The following DYM variants were observed in gnomAD, a reference collection of about 807,000 sequenced individuals.
DYM encodes the protein dymeclin, also known as dyggve-Melchior-Clausen syndrome protein.
A neutral mutation model predicts 93.1 loss-of-function variants in DYM; 78 were observed. The observed-to-expected ratio is 0.84, with a 90% CI of 0.70 to 1.01. The LOEUF (loss-of-function observed/expected upper bound fraction) is 1.01, where lower values mean the gene tolerates loss of function less well. Ranked by LOEUF, DYM falls within the 50% of genes least tolerant of loss-of-function variation. DYM has a pLI of 0.00. For missense variants in DYM, 789 were observed against 845.0 expected (o/e 0.93, Z 0.82); for synonymous variants, 321 against 319.7 (o/e 1.00, Z -0.04).
intron 8 of DYM, among the ~76,000 whole-genome samples, chr18:49,314,796 T>C (rs186593279): frequency 2.6e-5 from 4 of 152,206 alleles, no homozygotes; most frequent in Non-Finnish European, 4.4e-5. Context: ...TATCGTATGA[T>C]TGGCTTCTGT....
intron 5 of DYM, among the ~76,000 whole-genome samples, chr18:49,371,763 C>G (rs78917873): frequency 0.091 from 13,881 of 152,178 alleles, 857 homozygotes; most frequent in East Asian, 0.31. Flanking sequence ...GATTCTCAAA[C>G]GCATGGACTA....
chr18:49,218,022 G>A (rs2143897557), intron 13 of DYM, among the ~76,000 whole-genome samples: 1 of 152,118 alleles, frequency 6.6e-6, no homozygotes, highest in Non-Finnish European at 1.5e-5. Flanking sequence ...CTCACGTGCA[G>A]AGACACAAAT....
In DYM at chr18:49,424,825, C is replaced by T. The variant is rs1341096570; in HGVS notation, c.140+5430G>A. Among the ~76,000 whole-genome samples the T allele has an allele frequency of 2.6e-5, 4 of 152,048 alleles. No individual in the cohort carries two copies. In the East Asian group the frequency reaches 7.7e-4, roughly 29 times the overall value. On this transcript the variant is annotated intron_variant, in intron 2 of 17. Coordinates refer to ENST00000675505, the MANE Select transcript of DYM (RefSeq NM_001353214.3). The stretch of plus-strand genomic sequence containing the variant: ...CAAAGAGAATAAAATACCTAGGAAT[C>T]CAACTTACAAGGGATGTGAAAGACC...
chr18:49,378,448 T>C (rs2067721202), intron 5 of DYM, 119 bp downstream of exon 5: 1 of 992,576 alleles, frequency 1.0e-6, no homozygotes, highest in Non-Finnish European at 1.5e-6. Flanking sequence ...TATAAGTTCA[T>C]TTTAAAATGA....
At chr18:49,319,344 T>C (rs1379278716) in intron 8 of DYM, among the ~76,000 whole-genome samples, 1 of 152,194 alleles carries the variant, frequency 6.6e-6, no homozygotes, top group Non-Finnish European at 1.5e-5. Context: ...GATGAAGTTA[T>C]GGTGAAGGGT....
intron 14 of DYM, among the ~76,000 whole-genome samples, chr18:49,188,305 G>A (rs1156435307): frequency 1.3e-5 from 2 of 152,114 alleles, no homozygotes; most frequent in Admixed American, 6.5e-5. Flanking sequence ...CATCCAGGGG[G>A]TCCTGGTTCT....
At chr18:49,142,022 T>A (rs77650980) in intron 15 of DYM, among the ~76,000 whole-genome samples, 1 of 145,240 alleles carries the variant, frequency 6.9e-6, no homozygotes, top group Admixed American at 6.9e-5. Flanking sequence ...CCCGGCTAAT[T>A]TTTTTTTTTT....
intron 10 of DYM, among the ~76,000 whole-genome samples, chr18:49,279,736 A>G (rs2094925621): frequency 6.6e-6 from 1 of 152,174 alleles, no homozygotes. Context: ...ATGCCTATCC[A>G]CACCCATCAG....
chr18:49,053,577 T>C (rs1016733076), intron 17 of DYM, among the ~76,000 whole-genome samples: 4 of 151,966 alleles, frequency 2.6e-5, no homozygotes, highest in Non-Finnish European at 5.9e-5. Flanking sequence ...TCGGGAGTGA[T>C]GGGTTAGTGA....
At chr18:49,379,786 G>A in intron 3 of DYM, 28 bp from the exon 4 acceptor site, 1 of 1,557,522 alleles carries the variant, frequency 6.4e-7, no homozygotes, top group South Asian at 1.1e-5. Context: ...GTTTTAAAAA[G>A]TTAAATTTAA....
At chr18:49,387,110 T>C (rs1048108769) in intron 3 of DYM, among the ~76,000 whole-genome samples, 3 of 151,864 alleles carry the variant, frequency 2.0e-5, no homozygotes, top group Non-Finnish European at 4.4e-5. Flanking sequence ...AATTTTCTTT[T>C]AGTTTTTTGT....
chr18:49,425,845 A>C lies in DYM; in HGVS notation c.140+4410T>G, dbSNP rs577053406. Among the ~76,000 whole-genome samples the C allele has an allele frequency of 4.3e-3, 654 of 152,172 alleles. 4 individuals are homozygous for C. Among genetic ancestry groups the C allele is most frequent in the Non-Finnish European group, 4.5e-3 (303 of 67,986 alleles). On this transcript the variant is annotated intron_variant, in intron 2 of 17. Transcript: ENST00000675505. ...GAAATGCAAATCAAAACCACAATGA[A>C]ATACCATCTCACACCAGTTAGAATG...
chr18:49,409,830 C>T (rs1224664262), intron 2 of DYM, among the ~76,000 whole-genome samples: 2 of 152,138 alleles, frequency 1.3e-5, no homozygotes, highest in African/African-American at 4.8e-5. Context: ...GCAGGTCAGG[C>T]AGGCTACAGT....
intron 10 of DYM, 90 bp downstream of exon 10, chr18:49,281,907 A>C (rs1400467103): frequency 7.7e-7 from 1 of 1,294,856 alleles, no homozygotes; most frequent in Non-Finnish European, 1.1e-6. Flanking sequence ...TACATATGTA[A>C]CTAACCTGCA....
At chr18:49,389,592 G>A (rs185642519) in intron 3 of DYM, among the ~76,000 whole-genome samples, 2 of 152,170 alleles carry the variant, frequency 1.3e-5, no homozygotes. Flanking sequence ...AAATTCCTGG[G>A]CTCGATCAAT....
intron 10 of DYM, among the ~76,000 whole-genome samples, chr18:49,278,089 A>G (rs2145663598): frequency 6.6e-6 from 1 of 152,348 alleles, no homozygotes; most frequent in South Asian, 2.1e-4. Flanking sequence ...AGAGCTAAAA[A>G]AAAATTTTCC....
intron 13 of DYM, among the ~76,000 whole-genome samples, chr18:49,216,200 G>A (rs1355607458): frequency 2.0e-5 from 3 of 152,322 alleles, no homozygotes; most frequent in East Asian, 3.9e-4. Context: ...GGCTGGGGGA[G>A]GGGCGCCCGC....
At chr18:49,225,483 C>T (rs2093496233) in intron 13 of DYM, among the ~76,000 whole-genome samples, 1 of 151,986 alleles carries the variant, frequency 6.6e-6, no homozygotes, top group Admixed American at 6.6e-5. Context: ...CTAGTACTAG[C>T]TCAAAGGGGA....
At chr18:49,386,574 T>G (rs536237176) in intron 3 of DYM, among the ~76,000 whole-genome samples, 1 of 151,836 alleles carries the variant, frequency 6.6e-6, no homozygotes, top group East Asian at 1.9e-4. Flanking sequence ...CTACTAATAC[T>G]CCCCAAAATC....
Sources: allele counts gnomAD v4.1 joint callset (sites outside exome capture counted in the v4.1 genomes callset), GRCh38; gene constraint gnomAD v4.1.1; transcripts MANE v1.5; gene names NCBI Gene and HGNC (gene_info 2026-07-23, HGNC 2026-07-21).